Variants in PDE4D observed in about 807,000 individuals in gnomAD.
PDE4D encodes the protein 3',5'-cyclic-AMP phosphodiesterase 4D.
A neutral mutation model predicts 87.4 loss-of-function variants in PDE4D; 24 were observed. That is an observed-to-expected ratio of 0.27 (90% confidence interval 0.20 to 0.39). PDE4D has a LOEUF of 0.39. PDE4D is among the 10% of genes least tolerant of loss of function. PDE4D has a pLI of 1.00. For synonymous variants in PDE4D, 384 were observed against 383.2 expected (o/e 1.00, Z -0.02); for missense variants, 714 against 1,041.0 (o/e 0.69, Z 4.32).
intron 1 of PDE4D, among the ~76,000 whole-genome samples, chr5:59,376,795 C>T (rs1009940822): frequency 6.6e-6 from 1 of 152,072 alleles, no homozygotes; most frequent in Non-Finnish European, 1.5e-5. Context: ...TACTACAGGG[C>T]CACAGTAACC....
intron 1 of PDE4D, among the ~76,000 whole-genome samples, chr5:59,558,063 T>C (rs1402627271): frequency 6.6e-6 from 1 of 152,190 alleles, no homozygotes; most frequent in Admixed American, 6.6e-5. Flanking sequence ...AAAGGAATGT[T>C]TATAGATTTA....
At chr5:59,792,704 T>G (rs1460614935) in intron 1 of PDE4D, among the ~76,000 whole-genome samples, 1 of 152,174 alleles carries the variant, frequency 6.6e-6, no homozygotes, top group Non-Finnish European at 1.5e-5. Flanking sequence ...AGAGGAGTGA[T>G]CTAATCCAGG....
intron 1 of PDE4D, among the ~76,000 whole-genome samples, chr5:59,256,355 C>A (rs1265342583): frequency 6.6e-6 from 1 of 151,974 alleles, no homozygotes; most frequent in East Asian, 1.9e-4. Context: ...AAAGAGAAGC[C>A]TCCTTTTAAT....
At chr5:59,042,413 C>CAGCT (rs2153397100) in intron 5 of PDE4D, among the ~76,000 whole-genome samples, 1 of 152,286 alleles carries the variant, frequency 6.6e-6, no homozygotes, top group African/African-American at 2.4e-5. Context: ...TAAATGTCGA[C>CAGCT]AGCTAGCAGG....
intron 1 of PDE4D, among the ~76,000 whole-genome samples, chr5:60,433,146 C>T (rs564487708): frequency 6.8e-4 from 103 of 152,178 alleles, no homozygotes; most frequent in African/African-American, 2.5e-3. Context: ...AATAGACAAC[C>T]TACAGGATGG....
intron 3 of PDE4D, among the ~76,000 whole-genome samples, chr5:59,955,372 G>A (rs1018893721): frequency 6.6e-6 from 1 of 152,144 alleles, no homozygotes; most frequent in African/African-American, 2.4e-5. Flanking sequence ...AATTCAGCTG[G>A]TATCTGCAGT....
intron 6 of PDE4D, among the ~76,000 whole-genome samples, chr5:59,019,952 T>TA (rs1487330575): frequency 6.6e-6 from 1 of 152,126 alleles, no homozygotes; most frequent in Non-Finnish European, 1.5e-5. Context: ...TCATTTCACC[T>TA]ATAAGAACCT....
intron 1 of PDE4D, among the ~76,000 whole-genome samples, chr5:60,482,087 T>A (rs932063748): frequency 1.3e-5 from 2 of 152,138 alleles, no homozygotes; most frequent in African/African-American, 4.8e-5. Flanking sequence ...TAATTCCCAA[T>A]GTGTTGGTGC....
chr5:59,079,883 A>AGGAGAGGGGG (rs1441650894), intron 5 of PDE4D, among the ~76,000 whole-genome samples: 1 of 102,116 alleles, frequency 9.8e-6, no homozygotes, highest in Non-Finnish European at 2.1e-5. Context: ...AGGAGAGGAG[A>AGGAGAGGGGG]AGGGGAATGG....
At chr5:59,061,300 G>T (rs947952838) in intron 5 of PDE4D, among the ~76,000 whole-genome samples, 5 of 152,032 alleles carry the variant, frequency 3.3e-5, no homozygotes, top group African/African-American at 1.2e-4. Flanking sequence ...TATGGTCGGA[G>T]CACAAACACC....
chr5:59,014,279 G>C (rs1263397051), intron 6 of PDE4D, among the ~76,000 whole-genome samples: 1 of 152,142 alleles, frequency 6.6e-6, no homozygotes, highest in East Asian at 1.9e-4. Context: ...TCAACATAGT[G>C]TTGAAAGTTC....
At chr5:60,063,145 AGAAAGAAAGAAG>A (rs1171385629) in intron 2 of PDE4D, among the ~76,000 whole-genome samples, 44 of 96,800 alleles carry the variant, frequency 4.5e-4, no homozygotes, top group African/African-American at 1.0e-3. Flanking sequence ...AAAGAAAGAA[AGAAAGAAAGAAG>A]GAAAGAAAGA....
chr5:60,306,631 A>T (rs1754524251), intron 1 of PDE4D, among the ~76,000 whole-genome samples: 1 of 152,122 alleles, frequency 6.6e-6, no homozygotes, highest in Admixed American at 6.5e-5. Context: ...GAAAATTTAG[A>T]TTTCCTTAAA....
intron 1 of PDE4D, among the ~76,000 whole-genome samples, chr5:60,503,017 C>A (rs1159711593): frequency 2.0e-5 from 3 of 152,100 alleles, no homozygotes; most frequent in Admixed American, 1.3e-4. Flanking sequence ...ATGCTCTCAG[C>A]AGCAAGCCTA....
intron 1 of PDE4D, among the ~76,000 whole-genome samples, chr5:60,217,619 A>G (rs1744011596): frequency 6.6e-6 from 1 of 152,110 alleles, no homozygotes; most frequent in South Asian, 2.1e-4. Context: ...TTAATAAAAA[A>G]CTAGCAGGAC....
chr5:60,475,851 C>T (rs972070938), intron 1 of PDE4D, among the ~76,000 whole-genome samples: 1 of 135,792 alleles, frequency 7.4e-6, no homozygotes, highest in African/African-American at 2.6e-5. Context: ...AAGACAATTA[C>T]CACCCGCATC....
At chr5:59,038,605 G>A (rs1246610885) in intron 6 of PDE4D, among the ~76,000 whole-genome samples, 1 of 152,186 alleles carries the variant, frequency 6.6e-6, no homozygotes, top group East Asian at 1.9e-4. Flanking sequence ...AGGGCTCAGT[G>A]TTACTTAGGA....
chr5:59,647,472 T>TAA (rs1554051456), intron 1 of PDE4D, among the ~76,000 whole-genome samples: 9 of 149,898 alleles, frequency 6.0e-5, no homozygotes, highest in Admixed American at 1.3e-4. Context: ...TTTTTTTTTT[T>TAA]AATTAAAATA....
chr5:59,212,835 C>G (rs912069249), intron 2 of PDE4D, among the ~76,000 whole-genome samples: 17 of 151,874 alleles, frequency 1.1e-4, no homozygotes, highest in African/African-American at 3.9e-4. Flanking sequence ...GCCTATTTAA[C>G]ATTGTTTATT....
Sources: gnomAD v4.1 joint callset for allele counts (sites outside exome capture counted in the v4.1 genomes callset) on GRCh38, gnomAD v4.1.1 for gene constraint, MANE v1.5 for transcripts, NCBI Gene and HGNC (gene_info 2026-07-23, HGNC 2026-07-21) for gene names.